Variants in SRRM4 observed in about 807,000 individuals in gnomAD.
The protein encoded by SRRM4 is serine/arginine repetitive matrix 4.
A neutral mutation model predicts 68.9 loss-of-function variants in SRRM4; 33 were observed. The observed-to-expected ratio is 0.48, with a 90% CI of 0.36 to 0.64. The LOEUF (loss-of-function observed/expected upper bound fraction) is 0.64, where lower values mean the gene tolerates loss of function less well. Ranked by LOEUF, SRRM4 falls within the 30% of genes least tolerant of loss-of-function variation. The pLI, the probability that SRRM4 is intolerant of heterozygous loss-of-function variation, is 0.00. For synonymous variants in SRRM4, 318 were observed against 318.8 expected (o/e 1.00, Z 0.03); for missense variants, 817 against 827.1 (o/e 0.99, Z 0.15).
intron 1 of SRRM4, among the ~76,000 whole-genome samples, chr12:119,059,830 C>T (rs186264040): frequency 6.6e-6 from 1 of 152,290 alleles, no homozygotes. Flanking sequence ...TAGCCCAGGA[C>T]TATCTATCCC....
chr12:119,109,690 T>A (rs974670745), intron 2 of SRRM4, among the ~76,000 whole-genome samples: 2 of 152,232 alleles, frequency 1.3e-5, no homozygotes, highest in Non-Finnish European at 2.9e-5. Flanking sequence ...AGGTCTTCTC[T>A]ACACTGTTTA....
At chr12:119,065,976 T>A (rs1262401156) in intron 1 of SRRM4, among the ~76,000 whole-genome samples, 1 of 152,118 alleles carries the variant, frequency 6.6e-6, no homozygotes, top group Non-Finnish European at 1.5e-5. Flanking sequence ...TTAGCAGCCA[T>A]GAAAAAAATA....
At chr12:119,102,464 C>T in intron 2 of SRRM4, 82 bp downstream of exon 2, 1 of 1,097,552 alleles carries the variant, frequency 9.1e-7, no homozygotes, top group Non-Finnish European at 1.3e-6. Context: ...CTCTCTTATG[C>T]AAGTTCCTCT....
At chr12:119,131,318 G>A (rs1281900199) in intron 8 of SRRM4, among the ~76,000 whole-genome samples, 1 of 152,194 alleles carries the variant, frequency 6.6e-6, no homozygotes, top group Non-Finnish European at 1.5e-5. Flanking sequence ...GAATTTATAT[G>A]AGAATTTTCT....
chr12:119,032,076 T>TA (rs1239046084), intron 1 of SRRM4, among the ~76,000 whole-genome samples: 1 of 152,206 alleles, frequency 6.6e-6, no homozygotes, highest in Non-Finnish European at 1.5e-5. Flanking sequence ...TCATTATTTA[T>TA]CTTTAACTCT....
chr12:118,994,711 C>T (rs1953338345), intron 1 of SRRM4, among the ~76,000 whole-genome samples: 1 of 152,240 alleles, frequency 6.6e-6, no homozygotes, highest in Non-Finnish European at 1.5e-5. Flanking sequence ...CAAATCCCTT[C>T]ACTACCCTGA....
At chr12:119,127,836 C>T (rs1028269677) in intron 7 of SRRM4, among the ~76,000 whole-genome samples, 17 of 152,116 alleles carry the variant, frequency 1.1e-4, no homozygotes, top group African/African-American at 4.1e-4. Context: ...CCAAATCCTG[C>T]TCTGTGTCAG....
chr12:119,057,303 C>T (rs1296139982), intron 1 of SRRM4, among the ~76,000 whole-genome samples: 1 of 152,090 alleles, frequency 6.6e-6, no homozygotes, highest in Non-Finnish European at 1.5e-5. Flanking sequence ...GGTATTAACC[C>T]CAGTGCCCAG....
At chr12:119,146,630 G>GT (rs1266304532) in intron 9 of SRRM4, among the ~76,000 whole-genome samples, 1 of 150,002 alleles carries the variant, frequency 6.7e-6, no homozygotes, top group Non-Finnish European at 1.5e-5. Context: ...TAAATTAATT[G>GT]TAAGTCATTT....
intron 4 of SRRM4, among the ~76,000 whole-genome samples, chr12:119,118,325 T>C (rs956339154): frequency 6.6e-6 from 1 of 152,252 alleles, no homozygotes; most frequent in African/African-American, 2.4e-5. Context: ...CAATTGTAGA[T>C]TACTTGTGCA....
chr12:119,118,943 C>T (rs1030001958), intron 4 of SRRM4, among the ~76,000 whole-genome samples: 9 of 152,056 alleles, frequency 5.9e-5, no homozygotes, highest in East Asian at 5.8e-4. Context: ...CCTGACCTCC[C>T]GAGCACCATC....
intron 1 of SRRM4, among the ~76,000 whole-genome samples, chr12:119,047,589 T>C (rs2136015187): frequency 6.6e-6 from 1 of 152,340 alleles, no homozygotes; most frequent in South Asian, 2.1e-4. Flanking sequence ...TAATCATTTA[T>C]TCTCACTTGT....
chr12:119,042,505 A>G (rs1171324746), intron 1 of SRRM4, among the ~76,000 whole-genome samples: 1 of 151,926 alleles, frequency 6.6e-6, no homozygotes, highest in Non-Finnish European at 1.5e-5. Flanking sequence ...GTGATCCACC[A>G]TCCACCAAGG....
rs545790054 is a variant in SRRM4 at position 119,028,094 on chromosome 12, C to A, written c.131+46081C>A. On this transcript the variant is annotated intron_variant, in intron 1 of 12. Transcript: ENST00000267260. ...TAAAGCACAGATTGCTGGGCACCAC[C>A]CCTAGACTTTCCAGCAGATTTGGGG... 2.6e-5 allele frequency among the ~76,000 whole-genome samples: 4 copies of A among 152,316 alleles called. No homozygotes were observed. In the South Asian group the frequency reaches 6.2e-4, roughly 24 times the overall value.
In SRRM4 at chr12:118,996,991, G is replaced by A. The variant is rs138314015; in HGVS notation, c.131+14978G>A. On this transcript the variant is annotated intron_variant, in intron 1 of 12. Coordinates refer to ENST00000267260, the MANE Select transcript of SRRM4 (RefSeq NM_194286.4). Reference sequence around the variant, plus strand: ...CATGGGGCTGAATGAGGCAGGGGTGGAGTAGTGATGGTCCCAGTCTGCACT... The same window carrying A: ...CATGGGGCTGAATGAGGCAGGGGTGAAGTAGTGATGGTCCCAGTCTGCACT... 5.9e-5 allele frequency among the ~76,000 whole-genome samples: 9 copies of A among 152,332 alleles called. No homozygotes were observed. In the East Asian group the frequency reaches 1.7e-3, roughly 29 times the overall value.
At chr12:119,084,891 A>T (rs1953970288) in intron 1 of SRRM4, among the ~76,000 whole-genome samples, 2 of 152,174 alleles carry the variant, frequency 1.3e-5, no homozygotes, top group South Asian at 4.1e-4. Context: ...GCCAGTTTTT[A>T]AAAATATTTA....
intron 1 of SRRM4, among the ~76,000 whole-genome samples, chr12:119,032,988 C>A (rs1007254842): frequency 6.6e-6 from 1 of 152,104 alleles, no homozygotes; most frequent in Admixed American, 6.5e-5. Flanking sequence ...GATATGTATT[C>A]TTTTTTCCTG....
At chr12:118,982,958 G>A (rs1953259825) in intron 1 of SRRM4, among the ~76,000 whole-genome samples, 1 of 152,094 alleles carries the variant, frequency 6.6e-6, no homozygotes, top group Non-Finnish European at 1.5e-5. Context: ...GGAAAATCAA[G>A]GTAGTATGAA....
intron 1 of SRRM4, among the ~76,000 whole-genome samples, chr12:119,005,814 G>A (rs1953412647): frequency 1.3e-5 from 2 of 152,222 alleles, no homozygotes; most frequent in Admixed American, 6.5e-5. Flanking sequence ...CTCGGGATGG[G>A]AAATGGGGGA....
Sources: allele counts gnomAD v4.1 joint callset (sites outside exome capture counted in the v4.1 genomes callset), GRCh38; gene constraint gnomAD v4.1.1; transcripts MANE v1.5; gene names NCBI Gene and HGNC (gene_info 2026-07-23, HGNC 2026-07-21).